Variants in GRAMD4 observed in about 807,000 individuals in gnomAD.
GRAMD4 encodes the protein GRAM domain containing 4.
GRAMD4 carries 25 observed loss-of-function variants against 83.9 expected under a neutral mutation model. The observed-to-expected ratio is 0.30, with a 90% CI of 0.22 to 0.42. The LOEUF (loss-of-function observed/expected upper bound fraction) is 0.42. Among genes scored for constraint, GRAMD4 ranks in the 10% least tolerant of loss-of-function variants. The pLI is 1.00. For synonymous variants in GRAMD4, 336 were observed against 320.9 expected (o/e 1.05, Z -0.50); for missense variants, 593 against 788.7 (o/e 0.75, Z 2.97).
chr22:46,583,236 A>C (rs1079838), intron 1 of GRAMD4, among the ~76,000 whole-genome samples: 1 of 151,946 alleles, frequency 6.6e-6, no homozygotes, highest in African/African-American at 2.4e-5. Context: ...CTCTATTTTT[A>C]AAAAACTGTT....
At chr22:46,596,960 A>G (rs2081267515) in intron 1 of GRAMD4, among the ~76,000 whole-genome samples, 1 of 152,192 alleles carries the variant, frequency 6.6e-6, no homozygotes, top group South Asian at 2.1e-4. Context: ...GGGCTGGCTT[A>G]GCTGCTGCCT....
At chr22:46,618,958 G>GAT (rs1197399321), upstream of GRAMD4, among the ~76,000 whole-genome samples, 4 of 152,228 alleles carry the variant, frequency 2.6e-5, no homozygotes, top group Non-Finnish European at 4.4e-5. This position sits in a 1 kb window ranked among gnomAD's most constrained non-coding sequence, Gnocchi z 5.8. Context: ...GAGCTGTCCG[G>GAT]CTTGGAGCCT....
At chr22:46,661,937 C>G (rs901900740) in intron 5 of GRAMD4, among the ~76,000 whole-genome samples, 4 of 152,242 alleles carry the variant, frequency 2.6e-5, no homozygotes, top group Non-Finnish European at 5.9e-5. Context: ...TGCCCCACGC[C>G]CTGCAGGCAG....
intron 3 of GRAMD4, among the ~76,000 whole-genome samples, chr22:46,643,180 C>G (rs868465083): frequency 5.2e-5 from 6 of 115,094 alleles, no homozygotes; most frequent in Admixed American, 8.2e-5. Context: ...TCCATCCATC[C>G]ATCCATCCAT....
At chr22:46,662,914 A>G (rs1345457239) in intron 5 of GRAMD4, 126 bp from the exon 6 acceptor site, 43 of 808,968 alleles carry the variant, frequency 5.3e-5, no homozygotes, top group Non-Finnish European at 7.9e-5. Flanking sequence ...ACCCCCGAGC[A>G]TTCCTTGTGC....
At chr22:46,669,579 CTTTT>C (rs748596128) in intron 13 of GRAMD4, among the ~76,000 whole-genome samples, 1 of 141,966 alleles carries the variant, frequency 7.0e-6, no homozygotes. Context: ...CTCTCTCTCT[CTTTT>C]TTTTTTTTTG....
At chr22:46,661,556 G>A in intron 5 of GRAMD4, 114 bp downstream of exon 5, 1 of 758,124 alleles carries the variant, frequency 1.3e-6, no homozygotes, top group Middle Eastern at 3.5e-4. Context: ...CCCCCAGCAG[G>A]TGGGCAGGCG....
intron 1 of GRAMD4, among the ~76,000 whole-genome samples, chr22:46,611,996 CAA>C (rs61392000): frequency 2.0e-5 from 1 of 50,158 alleles, no homozygotes; most frequent in Admixed American, 3.4e-4. Flanking sequence ...GACTCCATCT[CAA>C]AAAAAAAAAA....
Position 46,672,741 on chromosome 22 carries a change from G to A in GRAMD4, c.1085-102G>A, listed in dbSNP as rs2082529441. 3.5e-6 allele frequency: 3 copies of A among 862,308 alleles called. No individual in the cohort carries two copies. The African/African-American group carries it at 5.0e-5, about 14-fold the overall frequency. 53.4% of individuals were successfully genotyped at this position (862,308 alleles called of 1,614,324 possible). ...CTCTCACATCCAGGCTCAGGGTGGA[G>A]GGTGCCAATCTGGGAGGTGGGAGGT... is the stretch of plus-strand genomic sequence containing the variant. On this transcript the variant is annotated intron_variant, in intron 13 of 18. Coordinates refer to ENST00000406902, the MANE Select transcript of GRAMD4 (RefSeq NM_015124.5). The surrounding 1 kb of genome is among the most constrained non-coding windows in gnomAD (Gnocchi z 4.7).
rs71192423 is a variant in GRAMD4 at position 46,591,070 on chromosome 22, G to GAAAAAGAA, written c.-50+13785_-50+13786insGAAAAAAA. On this transcript the variant is annotated intron_variant, in intron 1 of 1. Transcript: ENST00000431155. The stretch of plus-strand genomic sequence containing the variant: ...GCAAGACTCTGTCTAAAAAGAAAAA[G>GAAAAAGAA]AAAAAAAAACAAACAAACCCAAAAA... 2.5e-3 allele frequency among the ~76,000 whole-genome samples: 368 copies of GAAAAAGAA among 150,066 alleles called. 6 individuals are homozygous for GAAAAAGAA. Among genetic ancestry groups the GAAAAAGAA allele is most frequent in the African/African-American group, 8.5e-3 (345 of 40,772 alleles).
chr22:46,587,433 G>A (rs1025688185), intron 1 of GRAMD4, among the ~76,000 whole-genome samples: 2 of 152,008 alleles, frequency 1.3e-5, no homozygotes, highest in Admixed American at 6.6e-5. Context: ...TCTGGGAGGC[G>A]GAGGCCGTTT....
chr22:46,662,582 C>T (rs1343789769), intron 5 of GRAMD4, among the ~76,000 whole-genome samples: 1 of 152,224 alleles, frequency 6.6e-6, no homozygotes, highest in Non-Finnish European at 1.5e-5. Flanking sequence ...CCTCCCGCTG[C>T]GCCATCCATT....
At chr22:46,636,878 C>A (rs1287985518) in intron 2 of GRAMD4, among the ~76,000 whole-genome samples, 1 of 152,252 alleles carries the variant, frequency 6.6e-6, no homozygotes, top group African/African-American at 2.4e-5. Context: ...GTAACTCGAG[C>A]CCGTCCTGGC....
At chr22:46,623,104 A>T (rs1176948676) in intron 1 of GRAMD4, among the ~76,000 whole-genome samples, 1 of 151,922 alleles carries the variant, frequency 6.6e-6, no homozygotes, top group Non-Finnish European at 1.5e-5. Flanking sequence ...CTCTTCACGC[A>T]CCTGTTTGCC....
intron 9 of GRAMD4, 58 bp downstream of exon 9, chr22:46,665,764 C>A: frequency 1.1e-6 from 1 of 920,956 alleles, no homozygotes; most frequent in Non-Finnish European, 1.8e-6. Flanking sequence ...GCTGTGCTGT[C>A]TCCCTGCGTC....
intron 3 of GRAMD4, among the ~76,000 whole-genome samples, chr22:46,643,167 C>T (rs1368444299): frequency 7.7e-5 from 11 of 143,170 alleles, no homozygotes; most frequent in Admixed American, 1.4e-4. Context: ...ATCCATCCAT[C>T]CATCCATCCA....
At chr22:46,578,712 G>A (rs1425532516) in intron 1 of GRAMD4, among the ~76,000 whole-genome samples, 3 of 152,184 alleles carry the variant, frequency 2.0e-5, no homozygotes, top group African/African-American at 7.2e-5. Flanking sequence ...GTTGTTAGCT[G>A]GGACTCCCCA....
chr22:46,658,373 C>A, intron 4 of GRAMD4, 66 bp downstream of exon 4: 1 of 1,441,692 alleles, frequency 6.9e-7, no homozygotes, highest in Non-Finnish European at 9.4e-7. Flanking sequence ...CCACCCGCCC[C>A]GCCGTCCTCT....
chr22:46,612,119 TCAG>T (rs1321697146), intron 1 of GRAMD4, among the ~76,000 whole-genome samples: 1 of 51,104 alleles, frequency 2.0e-5, no homozygotes, highest in Admixed American at 2.3e-4. Flanking sequence ...CTCTCCTGCC[TCAG>T]TCTTCTGAGA....
Sources: allele counts gnomAD v4.1 joint callset (sites outside exome capture counted in the v4.1 genomes callset), GRCh38; gene constraint gnomAD v4.1.1; non-coding constraint Gnocchi (gnomAD v3.1); transcripts MANE v1.5; gene names NCBI Gene and HGNC (gene_info 2026-07-23, HGNC 2026-07-21).